KLHL13: variants seen among roughly 807,000 people sequenced by gnomAD.
KLHL13 encodes kelch-like protein 13.
A neutral mutation model predicts 37.1 loss-of-function variants in KLHL13; 10 were observed. The observed-to-expected ratio is 0.27, with a 90% CI of 0.17 to 0.46. KLHL13 has a LOEUF of 0.46. Among genes scored for constraint, KLHL13 ranks in the 20% least tolerant of loss-of-function variants. KLHL13 has a pLI of 1.00. For missense variants in KLHL13, 360 were observed against 509.3 expected (o/e 0.71, Z 2.82); for synonymous variants, 163 against 181.2 (o/e 0.90, Z 0.81).
At chrX:117,920,561 A>C (rs1359240429) in intron 2 of KLHL13, among the ~76,000 whole-genome samples, 191 bp from the exon 4 acceptor site, 1 of 112,601 alleles carries the variant, frequency 8.9e-6, no homozygotes, top group Non-Finnish European at 1.9e-5. Flanking sequence ...CTTTCACTGT[A>C]GGAATAACAC....
intron 1 of KLHL13, among the ~76,000 whole-genome samples, chrX:118,003,333 A>G (rs1481469586): frequency 3.6e-5 from 4 of 110,660 alleles, no homozygotes; most frequent in Admixed American, 1.9e-4. Flanking sequence ...CCTGGACAAC[A>G]TAGAGATCCT....
Position 118,028,065 on chromosome X carries a change from T to C in KLHL13, c.-55-82490A>G, listed in dbSNP as rs191905881. On this transcript the variant is annotated intron_variant, in intron 1 of 6. Transcript: ENST00000371882. The stretch of plus-strand genomic sequence containing the variant: ...ATATACAATCACAGGACAATCCTAT[T>C]TTTAAAAATGTGTTGTTGGCACTTC... 1.2e-4 allele frequency among the ~76,000 whole-genome samples: 14 copies of C among 112,201 alleles called. No individual in the cohort carries two copies. In the East Asian group the frequency reaches 3.9e-3, roughly 31 times the overall value.
At chrX:117,990,749 G>A (rs1362805888) in intron 1 of KLHL13, among the ~76,000 whole-genome samples, 2 of 110,871 alleles carry the variant, frequency 1.8e-5, no homozygotes, top group African/African-American at 3.3e-5. Context: ...GGCCCAATGC[G>A]AACAAGCCCT....
intron 1 of KLHL13, among the ~76,000 whole-genome samples, chrX:118,083,616 A>G (rs945338143): frequency 1.8e-5 from 2 of 111,377 alleles, no homozygotes; most frequent in African/African-American, 6.6e-5. Flanking sequence ...GTTGCTCAAC[A>G]AAAAGTTACA....
chrX:117,930,297 G>A (rs1176235183), intron 2 of KLHL13, among the ~76,000 whole-genome samples: 5 of 104,543 alleles, frequency 4.8e-5, no homozygotes, highest in African/African-American at 1.8e-4. Flanking sequence ...AGGAAGGCAG[G>A]CAGGCAGGCA....
chrX:118,032,439 C>A (rs1036989999), intron 1 of KLHL13, among the ~76,000 whole-genome samples: 1 of 111,889 alleles, frequency 8.9e-6, no homozygotes, highest in Non-Finnish European at 1.9e-5. Flanking sequence ...GACCCCTGAC[C>A]CCCAAGCAGC....
At chrX:117,926,874 G>GC (rs1431785182) in intron 2 of KLHL13, among the ~76,000 whole-genome samples, 1 of 75,298 alleles carries the variant, frequency 1.3e-5, no homozygotes, top group Non-Finnish European at 2.5e-5. Flanking sequence ...TCCAGGAGAA[G>GC]CCCCCTACTT....
intron 1 of KLHL13, among the ~76,000 whole-genome samples, chrX:118,073,725 T>C (rs2054898240): frequency 8.9e-6 from 1 of 112,041 alleles, no homozygotes; most frequent in Non-Finnish European, 1.9e-5. Flanking sequence ...TCTAACAATA[T>C]AAAGTTGGCT....
intron 1 of KLHL13, among the ~76,000 whole-genome samples, chrX:117,963,497 T>TCCAA (rs2053342212): frequency 9.0e-6 from 1 of 111,075 alleles, no homozygotes; most frequent in African/African-American, 3.3e-5. Context: ...TTCCAAGTCT[T>TCCAA]TGCTATTGTG....
exon 1 of KLHL13, chrX:117,973,497 C>T (rs927313038): frequency 3.3e-6 from 3 of 911,675 alleles, no homozygotes; most frequent in East Asian, 8.3e-5. Context: ...GGGAAAAGCC[C>T]GTTTCAAAAA....
intron 1 of KLHL13, among the ~76,000 whole-genome samples, chrX:118,106,140 G>A (rs868352870): frequency 1.9e-5 from 2 of 103,990 alleles, no homozygotes; most frequent in South Asian, 4.5e-4. Context: ...CTCGTGATCC[G>A]CCCGCTTTGG....
chrX:118,110,581 G>A (rs944161413), intron 1 of KLHL13, among the ~76,000 whole-genome samples: 1 of 109,460 alleles, frequency 9.1e-6, no homozygotes, highest in African/African-American at 3.3e-5. Flanking sequence ...GTTTCACCAT[G>A]TTGGTCAGGA....
intron 1 of KLHL13, among the ~76,000 whole-genome samples, chrX:118,073,650 A>G (rs1387158388): frequency 8.9e-6 from 1 of 112,404 alleles, no homozygotes; most frequent in African/African-American, 3.2e-5. Context: ...AGAAAGTCAT[A>G]GAAGAGTTAA....
intron 1 of KLHL13, among the ~76,000 whole-genome samples, chrX:118,054,334 T>C (rs1281855224): frequency 9.0e-6 from 1 of 111,565 alleles, no homozygotes; most frequent in Non-Finnish European, 1.9e-5. Context: ...CAAAAATGCC[T>C]ATATCTCTAA....
chrX:118,100,647 A>G (rs1028143463), intron 1 of KLHL13, among the ~76,000 whole-genome samples: 1 of 111,478 alleles, frequency 9.0e-6, no homozygotes, highest in Admixed American at 9.6e-5. Context: ...TCGCCTACTT[A>G]AAACTGCCAA....
rs762165043 is a variant in KLHL13 at position 118,072,583 on chromosome X, T to G, written c.-56+43925A>C. On this transcript the variant is annotated intron_variant, in intron 1 of 6. Coordinates refer to the KLHL13 transcript ENST00000371882. ...AGGAAATTTTCACAACCTACTCATC[T>G]GACAAAGGGCTAATATCCAGAATCT... is the stretch of plus-strand genomic sequence containing the variant. Among the ~76,000 whole-genome samples the G allele has an allele frequency of 1.4e-3, 158 of 111,511 alleles. 1 individual carries two copies. The highest frequency in any genetic ancestry group is 4.9e-3 in the African/African-American group (152 of 30,722).
intron 1 of KLHL13, among the ~76,000 whole-genome samples, chrX:118,032,481 C>A (rs765883097): frequency 2.0e-3 from 218 of 111,702 alleles, no homozygotes; most frequent in Non-Finnish European, 2.3e-3. Context: ...GCAGGGGCAG[C>A]CTGACACCTC....
At chrX:118,031,860 G>A (rs954564055) in intron 1 of KLHL13, among the ~76,000 whole-genome samples, 3 of 108,627 alleles carry the variant, frequency 2.8e-5, no homozygotes, top group African/African-American at 1.0e-4. Flanking sequence ...GTGCCAGTCA[G>A]TGGGTGCAGG....
chrX:117,964,424 T>C (rs1345002924), intron 1 of KLHL13, among the ~76,000 whole-genome samples: 1 of 111,971 alleles, frequency 8.9e-6, no homozygotes, highest in Non-Finnish European at 1.9e-5. Context: ...AGCTATTTAA[T>C]TGCTTATGAA....
Sources: gnomAD v4.1 joint callset for allele counts (sites outside exome capture counted in the v4.1 genomes callset) on GRCh38, gnomAD v4.1.1 for gene constraint, MANE v1.5 for transcripts, NCBI Gene and HGNC (gene_info 2026-07-23, HGNC 2026-07-21) for gene names.